Variants in TSPAN18 observed in about 807,000 individuals in gnomAD.
The protein encoded by TSPAN18 is tetraspanin-18.
TSPAN18 carries 14 observed loss-of-function variants against 27.3 expected under a neutral mutation model. The observed-to-expected ratio is 0.51, with a 90% CI of 0.34 to 0.80. TSPAN18 has a LOEUF of 0.80. TSPAN18 is among the 30% of genes least tolerant of loss of function. The probability of loss-of-function intolerance (pLI) is 0.01; values close to 1 mark genes in which losing one functional copy is unlikely to be tolerated. For synonymous variants in TSPAN18, 143 were observed against 136.5 expected (o/e 1.05, Z -0.33); for missense variants, 268 against 323.9 (o/e 0.83, Z 1.32).
chr11:44,850,654 A>AT (rs1195543940), intron 2 of TSPAN18, among the ~76,000 whole-genome samples: 3 of 152,170 alleles, frequency 2.0e-5, no homozygotes, highest in African/African-American at 7.2e-5. Context: ...CACATGAGAC[A>AT]TATCTCCATC....
chr11:44,736,764 C>G (rs1248041558), intron 1 of TSPAN18: 1 of 152,194 alleles, frequency 6.6e-6, no homozygotes, highest in East Asian at 1.9e-4. Context: ...CGCCTGGGTT[C>G]AAATGCCAGT....
chr11:44,895,278 C>A (rs1859001586), intron 3 of TSPAN18, among the ~76,000 whole-genome samples: 1 of 152,334 alleles, frequency 6.6e-6, no homozygotes, highest in South Asian at 2.1e-4. Flanking sequence ...GTGGGCTGGG[C>A]ATCCACTTAT....
intron 2 of TSPAN18, among the ~76,000 whole-genome samples, chr11:44,812,412 A>C (rs1422765338): frequency 1.3e-5 from 2 of 152,184 alleles, no homozygotes; most frequent in African/African-American, 2.4e-5. Flanking sequence ...TGTATGATGT[A>C]GGACCTTCTT....
At chr11:44,900,321 G>A (rs1039223839) in intron 3 of TSPAN18, among the ~76,000 whole-genome samples, 4 of 152,230 alleles carry the variant, frequency 2.6e-5, no homozygotes, top group Non-Finnish European at 5.9e-5. Flanking sequence ...CATAGGTGGT[G>A]TGAAGACAGG....
intron 1 of TSPAN18, among the ~76,000 whole-genome samples, chr11:44,755,590 C>T (rs139589027): frequency 1.3e-5 from 2 of 152,248 alleles, no homozygotes; most frequent in Non-Finnish European, 2.9e-5. Flanking sequence ...TCTCCTCCCT[C>T]TCCCCTGCCC....
Position 44,765,313 on chromosome 11 carries a change from G to A in TSPAN18, c.-153+801G>A, listed in dbSNP as rs715250. Among the ~76,000 whole-genome samples the A allele has an allele frequency of 2.9e-4, 44 of 152,320 alleles. 1 individual carries two copies. The East Asian group carries it at 8.3e-3, about 29-fold the overall frequency. ...AGAAGTGACAGGTCAGGGGTTGGGA[G>A]GTTGTGGAAGGCCATGGAGAGGAGA... On this transcript the variant is annotated intron_variant, in intron 2 of 9. Coordinates refer to ENST00000520358, the MANE Select transcript of TSPAN18 (RefSeq NM_130783.5).
At chr11:44,856,122 A>T (rs992569539) in intron 2 of TSPAN18, among the ~76,000 whole-genome samples, 3 of 151,826 alleles carry the variant, frequency 2.0e-5, no homozygotes, top group Non-Finnish European at 4.4e-5. Context: ...TAACCTCATG[A>T]TCTACCCGCC....
chr11:44,930,546 A>C lies in TSPAN18; in HGVS notation c.*1368A>C, dbSNP rs1034036518. The C allele has an allele frequency of 1.8e-5, 5 of 273,328 alleles. No individual in the cohort carries two copies. Among genetic ancestry groups the C allele is most frequent in the Non-Finnish European group, 2.9e-5 (4 of 137,336 alleles). The allele number at this position is 273,328 out of a possible 1,614,324, so 16.9% of individuals were successfully genotyped here. ...GGTTTCCTGTCTCTTCACTGTCCGC[A>C]CATTTCTTAGTATTCCCTCCAGGCT... is the stretch of plus-strand genomic sequence containing the variant. On this transcript the variant is annotated 3_prime_UTR_variant, in exon 10 of 10. Coordinates refer to ENST00000520358, the MANE Select transcript of TSPAN18 (RefSeq NM_130783.5).
At position 44,756,441 on chromosome 11, in the gene TSPAN18, T is replaced by A. The variant is rs150557663; in HGVS notation, c.-239-7985T>A. On this transcript the variant is annotated intron_variant, in intron 1 of 9. Transcript: ENST00000520358. Reference sequence around the variant, plus strand: ...ATAAAATTTACCATCTCGGCCATTTTTAAGTACACAGTTCAGTTATTTTAA... The same window carrying A: ...ATAAAATTTACCATCTCGGCCATTTATAAGTACACAGTTCAGTTATTTTAA... Among the ~76,000 whole-genome samples, 130 of 152,344 alleles carry A rather than the reference T, an allele frequency of 8.5e-4. 1 individual carries two copies. The highest frequency in any genetic ancestry group is 2.8e-3 in the African/African-American group (118 of 41,570).
intron 3 of TSPAN18, chr11:44,903,793 T>C (rs1343121914): frequency 7.0e-6 from 3 of 426,434 alleles, no homozygotes; most frequent in Non-Finnish European, 1.4e-5. Flanking sequence ...CCTTTGTCCT[T>C]CCAAGCTGGA....
chr11:44,789,712 G>GA (rs931100046), intron 2 of TSPAN18, among the ~76,000 whole-genome samples: 7 of 151,684 alleles, frequency 4.6e-5, no homozygotes, highest in Admixed American at 2.0e-4. Flanking sequence ...GGAATGAGAA[G>GA]AAAAAAAATA....
chr11:44,788,109 C>A (rs576949531), intron 2 of TSPAN18, among the ~76,000 whole-genome samples: 1 of 152,172 alleles, frequency 6.6e-6, no homozygotes, highest in Non-Finnish European at 1.5e-5. Context: ...ATGGTTCAGG[C>A]GGGGGCCCAG....
intron 9 of TSPAN18, among the ~76,000 whole-genome samples, chr11:44,927,134 C>G (rs189778861): frequency 7.6e-4 from 116 of 152,356 alleles, no homozygotes; most frequent in Admixed American, 7.6e-3. Flanking sequence ...GGTTTGAGAT[C>G]AGGCCTTTTC....
chr11:44,803,398 A>G (rs1022601144), intron 2 of TSPAN18, among the ~76,000 whole-genome samples: 1 of 152,318 alleles, frequency 6.6e-6, no homozygotes, highest in Admixed American at 6.5e-5. Context: ...TTCTGGGAAC[A>G]TGTACAGGAG....
At chr11:44,771,330 C>T (rs1271518861) in intron 2 of TSPAN18, among the ~76,000 whole-genome samples, 1 of 152,208 alleles carries the variant, frequency 6.6e-6, no homozygotes, top group African/African-American at 2.4e-5. Context: ...CTTCTAATGT[C>T]TCTGTCAGAT....
At chr11:44,777,101 A>G (rs1855828534) in intron 2 of TSPAN18, among the ~76,000 whole-genome samples, 1 of 152,148 alleles carries the variant, frequency 6.6e-6, no homozygotes, top group Non-Finnish European at 1.5e-5. Flanking sequence ...TAGATGGGAG[A>G]CTTCTGCCCT....
chr11:44,810,627 G>T, intron 2 of TSPAN18, among the ~76,000 whole-genome samples: 1 of 147,304 alleles, frequency 6.8e-6, no homozygotes, highest in Non-Finnish European at 1.5e-5. Context: ...TTTGAGACAG[G>T]GTCTCACTGT....
intron 3 of TSPAN18, among the ~76,000 whole-genome samples, chr11:44,890,789 G>C (rs1466379307): frequency 6.6e-6 from 1 of 151,194 alleles, no homozygotes; most frequent in Admixed American, 6.6e-5. Context: ...TTAAAATGAT[G>C]ATAGTTATTA....
intron 5 of TSPAN18, among the ~76,000 whole-genome samples, chr11:44,913,638 G>A (rs1859802917): frequency 6.6e-6 from 1 of 152,222 alleles, no homozygotes; most frequent in Admixed American, 6.5e-5. Flanking sequence ...TGTAAATTTG[G>A]TAAATATTTA....
Sources: allele counts gnomAD v4.1 joint callset (sites outside exome capture counted in the v4.1 genomes callset), GRCh38; gene constraint gnomAD v4.1.1; transcripts MANE v1.5; gene names NCBI Gene and HGNC (gene_info 2026-07-23, HGNC 2026-07-21).